KATNA1: variants seen among roughly 807,000 people sequenced by gnomAD.
KATNA1 encodes katanin p60 ATPase-containing subunit A1.
In KATNA1, 42 loss-of-function variants were observed where a neutral mutation model predicts 62.6. The observed-to-expected ratio is 0.67, with a 90% CI of 0.52 to 0.87. The LOEUF (loss-of-function observed/expected upper bound fraction) is 0.87. Among genes scored for constraint, KATNA1 ranks in the 40% least tolerant of loss-of-function variants. The pLI, the probability that KATNA1 is intolerant of heterozygous loss-of-function variation, is 0.00. For missense variants in KATNA1, 498 were observed against 612.5 expected, an observed-to-expected ratio of 0.81 and a Z score of 1.97; for synonymous variants, 186 against 201.9, an observed-to-expected ratio of 0.92 and a Z score of 0.67.
intron 4 of KATNA1, among the ~76,000 whole-genome samples, chr6:149,614,310 C>G (rs1024880688): frequency 1.3e-5 from 2 of 152,198 alleles, no homozygotes; most frequent in African/African-American, 4.8e-5. Context: ...CACCCCTCCT[C>G]CCATTGTTGC....
intron 7 of KATNA1, among the ~76,000 whole-genome samples, 156 bp downstream of exon 7, chr6:149,601,438 C>T (rs1166740381): frequency 6.6e-6 from 1 of 152,112 alleles, no homozygotes; most frequent in Admixed American, 6.5e-5. Context: ...TCTAATTATT[C>T]ATGTTTGTAA....
chr6:149,638,803 C>T (rs2114627074), intron 1 of KATNA1, among the ~76,000 whole-genome samples: 1 of 128,150 alleles, frequency 7.8e-6, no homozygotes, highest in Admixed American at 1.0e-4. Context: ...ATGGCATGAT[C>T]TCGGCTCACT....
chr6:149,646,627 A>G (rs1177673910), intron 1 of KATNA1, among the ~76,000 whole-genome samples: 2 of 152,244 alleles, frequency 1.3e-5, no homozygotes, highest in African/African-American at 2.4e-5. Context: ...TAAATACTTA[A>G]GCACAAGAAA....
At chr6:149,638,815 C>A (rs932497120) in intron 1 of KATNA1, among the ~76,000 whole-genome samples, 2 of 144,578 alleles carry the variant, frequency 1.4e-5, no homozygotes, top group African/African-American at 2.5e-5. Context: ...CGGCTCACTG[C>A]AACCTCTGCC....
chr6:149,596,009 A>G (rs1429297525), intron 10 of KATNA1, among the ~76,000 whole-genome samples: 1 of 152,236 alleles, frequency 6.6e-6, no homozygotes, highest in Non-Finnish European at 1.5e-5. Context: ...TGCCAAGTCA[A>G]TATATTTCAC....
intron 1 of KATNA1, among the ~76,000 whole-genome samples, chr6:149,642,027 C>T (rs935279396): frequency 2.6e-5 from 4 of 152,120 alleles, no homozygotes; most frequent in African/African-American, 9.7e-5. Flanking sequence ...CTCGGCCTCC[C>T]GAGTAGCTAG....
intron 1 of KATNA1, among the ~76,000 whole-genome samples, chr6:149,646,419 A>G (rs1179767635): frequency 6.6e-6 from 1 of 152,220 alleles, no homozygotes; most frequent in Non-Finnish European, 1.5e-5. Context: ...GCATTTCAGT[A>G]AAGCAAGTGT....
At chr6:149,640,963 C>T (rs1254876162) in intron 1 of KATNA1, among the ~76,000 whole-genome samples, 3 of 152,064 alleles carry the variant, frequency 2.0e-5, no homozygotes, top group Non-Finnish European at 2.9e-5. Flanking sequence ...CTCCGCCTCT[C>T]GGGTTCAAGC....
intron 4 of KATNA1, among the ~76,000 whole-genome samples, chr6:149,610,191 T>C: frequency 6.6e-6 from 1 of 150,576 alleles, no homozygotes; most frequent in Non-Finnish European, 1.5e-5. Context: ...TCCCAGCTAC[T>C]TGGGAGACTG....
At chr6:149,630,446 C>T (rs748961935) in intron 3 of KATNA1, among the ~76,000 whole-genome samples, 13 of 152,044 alleles carry the variant, frequency 8.6e-5, no homozygotes, top group East Asian at 7.8e-4. Flanking sequence ...CTGGCCAACA[C>T]GGTGAAACCC....
At chr6:149,608,425 CTCT>C (rs1366530627) in intron 4 of KATNA1, among the ~76,000 whole-genome samples, 1 of 152,180 alleles carries the variant, frequency 6.6e-6, no homozygotes, top group Non-Finnish European at 1.5e-5. Flanking sequence ...CAGAAGCTTG[CTCT>C]TTCTAGGCAA....
At chr6:149,606,162 G>A (rs1483915691) in intron 4 of KATNA1, among the ~76,000 whole-genome samples, 2 of 152,254 alleles carry the variant, frequency 1.3e-5, no homozygotes, top group Non-Finnish European at 2.9e-5. Flanking sequence ...TAGAATGTCC[G>A]TTCTGACTGC....
At chr6:149,597,255 A>C (rs571327678) in intron 9 of KATNA1, 66 bp from the exon 10 acceptor site, 3 of 1,515,486 alleles carry the variant, frequency 2.0e-6, no homozygotes, top group South Asian at 2.5e-5. Context: ...ATTGTCTCAA[A>C]TCTTCTTTGT....
At position 149,599,692 on chromosome 6, in the gene KATNA1, A is replaced by G. The variant is rs528315413; in HGVS notation, c.889-1342T>C. Among the ~76,000 whole-genome samples, 21 of 151,842 alleles carry G rather than the reference A, an allele frequency of 1.4e-4. 1 individual carries two copies. The highest frequency in any genetic ancestry group is 4.6e-4 in the African/African-American group (19 of 41,344). ...GCCACCACACCTGGCTAATTTTTGT[A>G]TTTTTAGTAGAGACGGGGTTTCATC... On this transcript the variant is annotated intron_variant, in intron 7 of 10. Transcript: ENST00000367411.
At chr6:149,608,482 A>T (rs1307274252) in intron 4 of KATNA1, among the ~76,000 whole-genome samples, 1 of 152,160 alleles carries the variant, frequency 6.6e-6, no homozygotes, top group African/African-American at 2.4e-5. Flanking sequence ...GCTTTTAGAC[A>T]GTAACACTCT....
In KATNA1 at chr6:149,622,866, C is replaced by T. The variant is rs188405996; in HGVS notation, c.501+237G>A. ...CTTTACTAATAATACAAAATTAGCT[C>T]GATGTGGTGGCGCCCACTTGTAATC... On this transcript the variant is annotated intron_variant, in intron 4 of 10. Coordinates refer to ENST00000367411, the MANE Select transcript of KATNA1 (RefSeq NM_007044.4). 3.0e-3 allele frequency among the ~76,000 whole-genome samples: 460 copies of T among 151,506 alleles called. 3 individuals are homozygous for T. Among genetic ancestry groups the T allele is most frequent in the African/African-American group, 5.7e-3 (234 of 41,294 alleles).
intron 10 of KATNA1, among the ~76,000 whole-genome samples, chr6:149,596,157 ACT>A (rs1273941132): frequency 6.6e-6 from 1 of 152,182 alleles, no homozygotes; most frequent in African/African-American, 2.4e-5. Flanking sequence ...TGAACTGTAG[ACT>A]CTTCACTGAC....
At chr6:149,621,482 G>C (rs1424218461) in intron 4 of KATNA1, among the ~76,000 whole-genome samples, 4 of 150,882 alleles carry the variant, frequency 2.7e-5, no homozygotes, top group African/African-American at 9.8e-5. Context: ...TGGTATGCCT[G>C]CCAAAAATGA....
chr6:149,617,605 TCCTGATCAACATGGTGAAAC>T (rs1779212169), intron 4 of KATNA1, among the ~76,000 whole-genome samples: 1 of 150,748 alleles, frequency 6.6e-6, no homozygotes, highest in Non-Finnish European at 1.5e-5. Context: ...ATCGAGACTA[TCCTGATCAACATGGTGAAAC>T]CCTGTCTCCA....
Sources: allele counts gnomAD v4.1 joint callset (sites outside exome capture counted in the v4.1 genomes callset), GRCh38; gene constraint gnomAD v4.1.1; transcripts MANE v1.5; gene names NCBI Gene and HGNC (gene_info 2026-07-23, HGNC 2026-07-21).